The following AGPAT4 variants were observed in gnomAD, a reference collection of about 807,000 sequenced individuals.
AGPAT4 encodes the protein 1-acylglycerol-3-phosphate O-acyltransferase 4.
AGPAT4 carries 15 observed loss-of-function variants against 48.0 expected under a neutral mutation model. That is an observed-to-expected ratio of 0.31 (90% CI 0.21 to 0.48). The LOEUF (loss-of-function observed/expected upper bound fraction) is 0.48. AGPAT4 is among the 20% of genes least tolerant of loss of function. The probability of loss-of-function intolerance (pLI) is 0.99; values close to 1 mark genes in which losing one functional copy is unlikely to be tolerated. For synonymous variants in AGPAT4, 178 were observed against 198.7 expected, an observed-to-expected ratio of 0.90 and a Z score of 0.88; for missense variants, 314 against 482.5, an observed-to-expected ratio of 0.65 and a Z score of 3.27.
intron 1 of AGPAT4, among the ~76,000 whole-genome samples, chr6:161,241,482 C>A (rs1782488777): frequency 6.6e-6 from 1 of 152,100 alleles, no homozygotes; most frequent in Non-Finnish European, 1.5e-5. Flanking sequence ...CCCACTCTTG[C>A]ATGATAAAAA....
intron 2 of AGPAT4, among the ~76,000 whole-genome samples, chr6:161,170,473 G>GCA (rs3839450): frequency 3.0e-3 from 99 of 32,648 alleles, no homozygotes; most frequent in Middle Eastern, 0.025. Flanking sequence ...GTGCGCGCGC[G>GCA]CACACACACA....
At chr6:161,156,810 C>A (rs762863917) in intron 3 of AGPAT4, among the ~76,000 whole-genome samples, 1 of 152,218 alleles carries the variant, frequency 6.6e-6, no homozygotes, top group Non-Finnish European at 1.5e-5. Flanking sequence ...GGCGGAAAAC[C>A]GCTTAAAGGT....
chr6:161,261,086 C>T lies in AGPAT4; in HGVS notation c.-90+12852G>A, dbSNP rs1315901738. On this transcript the variant is annotated intron_variant, in intron 1 of 8. Coordinates refer to ENST00000320285, the MANE Select transcript of AGPAT4 (RefSeq NM_020133.3). This position sits in a 1 kb window ranked among gnomAD's most constrained non-coding sequence, Gnocchi z 5.3. ...CCACCTGCCTGATGCCCTTCCCTCC[C>T]CCTTTTCTCCCACTGTTGACTTGCC... Among the ~76,000 whole-genome samples the T allele has an allele frequency of 2.6e-5, 4 of 152,162 alleles. No homozygotes were observed. The highest frequency in any genetic ancestry group is 3.2e-3 in the Middle Eastern group (1 of 316).
intron 1 of AGPAT4, among the ~76,000 whole-genome samples, chr6:161,263,285 T>C (rs1057168280): frequency 6.6e-6 from 1 of 152,174 alleles, no homozygotes; most frequent in Non-Finnish European, 1.5e-5. Context: ...AGTTCATGCC[T>C]GTAGTCCCAG....
chr6:161,194,526 CTGTG>C (rs897145908), intron 2 of AGPAT4, among the ~76,000 whole-genome samples: 1 of 147,424 alleles, frequency 6.8e-6, no homozygotes, highest in Non-Finnish European at 1.5e-5. Context: ...ATGTGTGTGT[CTGTG>C]TGTCTATGTG....
At chr6:161,186,246 G>A (rs1263115482) in intron 2 of AGPAT4, among the ~76,000 whole-genome samples, 1 of 152,146 alleles carries the variant, frequency 6.6e-6, no homozygotes, top group African/African-American at 2.4e-5. Flanking sequence ...ATCAGAGCCT[G>A]ACTAACATGA....
chr6:161,266,000 C>T (rs898942823), intron 1 of AGPAT4, among the ~76,000 whole-genome samples: 4 of 152,144 alleles, frequency 2.6e-5, no homozygotes. Context: ...TTGCTTTGAT[C>T]GGACCAACCG....
At position 161,236,940 on chromosome 6, in the gene AGPAT4, C is replaced by G. The variant is rs528322646; in HGVS notation, c.-89-4638G>C. ...AAATAAAAGGCAGGGGGAGGCTTCT[C>G]TCCAGATAATGAGTCCCAGACAAAC... is the stretch of plus-strand genomic sequence containing the variant. On this transcript the variant is annotated intron_variant, in intron 1 of 8. Transcript: ENST00000320285. The surrounding 1 kb of genome is among the most constrained non-coding windows in gnomAD (Gnocchi z 5.0). Among the ~76,000 whole-genome samples the G allele has an allele frequency of 1.3e-5, 2 of 152,180 alleles. No homozygotes were observed. Among genetic ancestry groups the G allele is most frequent in the South Asian group, 2.1e-4 (1 of 4,824 alleles).
intron 2 of AGPAT4, among the ~76,000 whole-genome samples, chr6:161,170,589 A>G (rs537613258): frequency 5.9e-5 from 9 of 152,122 alleles, no homozygotes; most frequent in African/African-American, 9.7e-5. Context: ...ATGTAAATAT[A>G]CTGCACATGA....
Position 161,169,521 on chromosome 6 carries a change from C to T in AGPAT4, c.179-3104G>A, listed in dbSNP as rs1201278270. Among the ~76,000 whole-genome samples the T allele has an allele frequency of 6.6e-6, 1 of 152,078 alleles. No homozygotes were observed. The highest frequency in any genetic ancestry group is 1.5e-5 in the Non-Finnish European group (1 of 68,014). ...TCACTCTGTCATCCAGGCTGGAGTG[C>T]AGTGGCCCAATCATACATAGCTCAC... On this transcript the variant is annotated intron_variant, in intron 2 of 8. Coordinates refer to ENST00000320285, the MANE Select transcript of AGPAT4 (RefSeq NM_020133.3). The surrounding 1 kb of genome is among the most constrained non-coding windows in gnomAD (Gnocchi z 5.0).
rs2114968442 is a variant in AGPAT4 at position 161,155,556 on chromosome 6, C to T, written c.349-1246G>A. Among the ~76,000 whole-genome samples, 1 of 152,330 alleles carries T rather than the reference C, an allele frequency of 6.6e-6. No individual in the cohort carries two copies. The highest frequency in any genetic ancestry group is 1.5e-5 in the Non-Finnish European group (1 of 68,024). ...GTCTAAACAGCCAATTGCTACCCTA[C>T]TTTAAAAAAACAAGAAACTTCTTCC... On this transcript the variant is annotated intron_variant, in intron 3 of 8. Transcript: ENST00000320285. The surrounding 1 kb of genome is among the most constrained non-coding windows in gnomAD (Gnocchi z 5.8).
rs1783400446 is a variant in AGPAT4 at position 161,270,802 on chromosome 6, T to C, written c.-90+3136A>G. Among the ~76,000 whole-genome samples, 1 of 151,720 alleles carries C rather than the reference T, an allele frequency of 6.6e-6. No homozygotes were observed. Among genetic ancestry groups the C allele is most frequent in the African/African-American group, 2.4e-5 (1 of 41,330 alleles). On this transcript the variant is annotated intron_variant, in intron 1 of 8. Transcript: ENST00000320285. This position sits in a 1 kb window ranked among gnomAD's most constrained non-coding sequence, Gnocchi z 5.3. Reference sequence around the variant, plus strand: ...ATCTCAAAAAAAAAATAAATGTGAATGCGGCTTTGTCCCATAACCATCAGA... The same window carrying C: ...ATCTCAAAAAAAAAATAAATGTGAACGCGGCTTTGTCCCATAACCATCAGA...
rs1034481222 is a variant in AGPAT4 at position 161,264,211 on chromosome 6, C to T, written c.-90+9727G>A. Among the ~76,000 whole-genome samples, 3 of 152,138 alleles carry T rather than the reference C, an allele frequency of 2.0e-5. No individual in the cohort carries two copies. The highest frequency in any genetic ancestry group is 3.2e-3 in the Middle Eastern group (1 of 316). Reference sequence around the variant, plus strand: ...TCTCCCTATATTTACTATCTCAGGGCGTCAAAGACACCCTCCATACAACAA... The same window carrying T: ...TCTCCCTATATTTACTATCTCAGGGTGTCAAAGACACCCTCCATACAACAA... On this transcript the variant is annotated intron_variant, in intron 1 of 8. Coordinates refer to ENST00000320285, the MANE Select transcript of AGPAT4 (RefSeq NM_020133.3). The surrounding 1 kb of genome is among the most constrained non-coding windows in gnomAD (Gnocchi z 6.8).
chr6:161,168,420 G>C (rs1419101056), intron 2 of AGPAT4, among the ~76,000 whole-genome samples: 1 of 151,982 alleles, frequency 6.6e-6, no homozygotes, highest in Admixed American at 6.5e-5. Flanking sequence ...CCTGCCTAAG[G>C]CCACTCTCAC....
chr6:161,211,571 A>G (rs2115018852), intron 2 of AGPAT4, among the ~76,000 whole-genome samples: 1 of 152,322 alleles, frequency 6.6e-6, no homozygotes, highest in East Asian at 1.9e-4. Flanking sequence ...CGTTCAGGAC[A>G]AACTAGAAAG....
intron 1 of AGPAT4, among the ~76,000 whole-genome samples, chr6:161,273,634 G>C (rs12153911): frequency 0.12 from 17,816 of 151,892 alleles, 1,232 homozygotes; most frequent in African/African-American, 0.19. Context: ...AGGGGGCTGG[G>C]TGGGTGGGTA....
rs1219426580 is a variant in AGPAT4, at chr6:161,243,314, G to A, written c.-89-11012C>T. ...CGGCCCTGGGCCGGCAGAAGCAGGCGTGAGGTGGCTGGCATCCCCAGCCGG... is the reference window on the plus strand; with the variant it reads ...CGGCCCTGGGCCGGCAGAAGCAGGCATGAGGTGGCTGGCATCCCCAGCCGG... On this transcript the variant is annotated intron_variant, in intron 1 of 8. Coordinates refer to ENST00000320285, the MANE Select transcript of AGPAT4 (RefSeq NM_020133.3). The surrounding 1 kb of genome is among the most constrained non-coding windows in gnomAD (Gnocchi z 4.8). Among the ~76,000 whole-genome samples, 2 of 152,108 alleles carry A rather than the reference G, an allele frequency of 1.3e-5. No homozygotes were observed. The highest frequency in any genetic ancestry group is 2.9e-5 in the Non-Finnish European group (2 of 68,014).
chr6:161,167,376 C>T (rs930978092), intron 2 of AGPAT4, among the ~76,000 whole-genome samples: 4 of 152,130 alleles, frequency 2.6e-5, no homozygotes, highest in African/African-American at 7.2e-5. Context: ...CAGGTGTGCA[C>T]CACCATGCCC....
rs1779944031 is a variant in AGPAT4 at position 161,161,801 on chromosome 6, A to G, written c.348+4447T>C. On this transcript the variant is annotated intron_variant, in intron 3 of 8. Transcript: ENST00000320285. This position sits in a 1 kb window ranked among gnomAD's most constrained non-coding sequence, Gnocchi z 4.6. ...CACTGGACACGTATTTTGAAGGTAT[A>G]TCAATTGCTATCGTTGTCATGATCG... is the stretch of plus-strand genomic sequence containing the variant. The G allele has an allele frequency of 3.0e-5, 9 of 295,648 alleles. 1 individual carries two copies. In the South Asian group the frequency reaches 3.1e-4, roughly 10 times the overall value. 18.3% of individuals were successfully genotyped at this position (295,648 alleles called of 1,614,324 possible). A position where few individuals can be genotyped will look rare whatever the true frequency, so the allele number is the denominator to read the frequency against.
Sources: gnomAD v4.1 joint callset for allele counts (sites outside exome capture counted in the v4.1 genomes callset) on GRCh38, gnomAD v4.1.1 for gene constraint, Gnocchi (gnomAD v3.1) non-coding constraint, MANE v1.5 for transcripts, NCBI Gene and HGNC (gene_info 2026-07-23, HGNC 2026-07-21) for gene names.